DCAF16: variants seen among roughly 807,000 people sequenced by gnomAD.
DCAF16 encodes the protein DDB1- and CUL4-associated factor 16.
Under a neutral mutation model 17.3 loss-of-function variants are expected in DCAF16, and 10 were observed. That is an observed-to-expected ratio of 0.58 (90% CI 0.36 to 0.98). The LOEUF (loss-of-function observed/expected upper bound fraction) is 0.98, where lower values mean the gene tolerates loss of function less well. Ranked by LOEUF, DCAF16 falls within the 50% of genes least tolerant of loss-of-function variation. The pLI, the probability that DCAF16 is intolerant of heterozygous loss-of-function variation, is 0.01. For missense variants in DCAF16, 249 were observed against 247.6 expected (o/e 1.01, Z -0.04); for synonymous variants, 111 against 92.8 (o/e 1.20, Z -1.12).
At chr4:17,795,879 G>T (rs565572748), downstream of DCAF16, among the ~76,000 whole-genome samples, 2 of 152,276 alleles carry the variant, frequency 1.3e-5, no homozygotes, top group South Asian at 2.1e-4. Context: ...AATAATCGAG[G>T]GTCAAGCTGT....
In DCAF16 at chr4:17,803,438, G is replaced by T; in HGVS notation, c.*53C>A. 1 of 1,529,344 alleles carries T rather than the reference G, an allele frequency of 6.5e-7. No homozygotes were observed. Among genetic ancestry groups the T allele is most frequent in the Non-Finnish European group, 9.0e-7 (1 of 1,114,984 alleles). The allele number at this position is 1,529,344 out of a possible 1,614,324, so 94.7% of individuals were successfully genotyped here. A position where few individuals can be genotyped will look rare whatever the true frequency, so the allele number is the denominator to read the frequency against. On this transcript the variant is annotated 3_prime_UTR_variant, in exon 3 of 3. Transcript: ENST00000382247. ...AGTGGGCTGTGTAATGACTAACTTT[G>T]TACCACTTTCTCAATTAGCAACATC...
At chr4:17,809,422 T>C (rs1210633750) in intron 1 of DCAF16, 1 of 152,162 alleles carries the variant, frequency 6.6e-6, no homozygotes, top group African/African-American at 2.4e-5. Flanking sequence ...ACATGCAAAA[T>C]AGTACAATAT....
downstream of DCAF16, among the ~76,000 whole-genome samples, chr4:17,796,524 C>A (rs1719434918): frequency 6.6e-6 from 1 of 152,124 alleles, no homozygotes; most frequent in African/African-American, 2.4e-5. Context: ...TCCTGGCCAA[C>A]ATGGTGAAAC....
chr4:17,797,148 A>T (rs1434888335), downstream of DCAF16, among the ~76,000 whole-genome samples: 1 of 152,120 alleles, frequency 6.6e-6, no homozygotes, highest in Non-Finnish European at 1.5e-5. Context: ...AATTACTTAG[A>T]CATAAGAAAA....
rs1457658455 is a variant in DCAF16, at chr4:17,804,300, A to T, written c.-159T>A. The T allele has an allele frequency of 1.5e-6, 1 of 647,764 alleles. No homozygotes were observed. Among genetic ancestry groups the T allele is most frequent in the Non-Finnish European group, 2.7e-6 (1 of 366,992 alleles). The allele number at this position is 647,764 out of a possible 1,614,324, so 40.1% of individuals were successfully genotyped here. On this transcript the variant is annotated 5_prime_UTR_variant, in exon 3 of 3. Coordinates refer to ENST00000382247, the MANE Select transcript of DCAF16 (RefSeq NM_017741.4). ...CACATAAAGTATGCTTGTGGCCCAT[A>T]CCACTGTGCCGTTCTTCAAGATTAT...
downstream of DCAF16, among the ~76,000 whole-genome samples, chr4:17,798,914 G>T (rs1479976890): frequency 6.6e-6 from 1 of 152,192 alleles, no homozygotes; most frequent in Non-Finnish European, 1.5e-5. Flanking sequence ...AGTTGACATA[G>T]AAGTACTGGT....
chr4:17,804,010 G>A lies in DCAF16; in HGVS notation c.132C>T (p.Pro44=), dbSNP rs773687815. The change falls in exon 3 of 3, where the codon CCC becomes CCT. Residue 44 remains proline (P), a synonymous_variant. Transcript: ENST00000382247. The part of the protein sequence containing the change: ...DSSEEEDSMV[P]NLSPLESLAW... ...CAAGACTCTCAAGAGGCGATAAGTTGGGCACCATAGAGTCCTCTTCTTCAG... is the reference window on the plus strand; with the variant it reads ...CAAGACTCTCAAGAGGCGATAAGTTAGGCACCATAGAGTCCTCTTCTTCAG... 1.2e-6 allele frequency: 2 copies of A among 1,614,078 alleles called. No individual in the cohort carries two copies. Among genetic ancestry groups the A allele is most frequent in the South Asian group, 2.2e-5 (2 of 91,072 alleles).
chr4:17,809,484 G>T (rs1414418514), intron 1 of DCAF16: 6 of 152,164 alleles, frequency 3.9e-5, no homozygotes, highest in Non-Finnish European at 1.5e-5. Context: ...ATGTCATTAA[G>T]ATATAGAAAG....
chr4:17,798,013 T>A (rs1261084004), downstream of DCAF16, among the ~76,000 whole-genome samples: 2 of 152,216 alleles, frequency 1.3e-5, no homozygotes, highest in Admixed American at 1.3e-4. Context: ...CTGGTTTCTG[T>A]TGCTAATTTG....
intron 1 of DCAF16, among the ~76,000 whole-genome samples, chr4:17,806,481 G>A (rs1042503584): frequency 1.3e-5 from 2 of 151,808 alleles, no homozygotes; most frequent in African/African-American, 4.8e-5. Context: ...TTTCACAGAA[G>A]GAAAAACAAA....
downstream of DCAF16, among the ~76,000 whole-genome samples, chr4:17,797,361 G>A (rs1330144288): frequency 6.6e-6 from 1 of 152,012 alleles, no homozygotes; most frequent in African/African-American, 2.4e-5. Context: ...AATGTATTCG[G>A]GTGTCCTGTA....
chr4:17,801,422 G>C lies in DCAF16; in HGVS notation c.*2069C>G, dbSNP rs1479784584. On this transcript the variant is annotated 3_prime_UTR_variant, in exon 3 of 3. Coordinates refer to ENST00000382247, the MANE Select transcript of DCAF16 (RefSeq NM_017741.4). ...TGGGATTACAGGCATGAGCCACCAT[G>C]CCTGGCCTGCTTCAATTTTTTGATG... 1 of 152,104 alleles carries C rather than the reference G, an allele frequency of 6.6e-6. No individual in the cohort carries two copies. Among genetic ancestry groups the C allele is most frequent in the African/African-American group, 2.4e-5 (1 of 41,406 alleles). 9.4% of individuals were successfully genotyped at this position (152,104 alleles called of 1,614,324 possible). A position where few individuals can be genotyped will look rare whatever the true frequency, so the allele number is the denominator to read the frequency against.
chr4:17,805,193 G>T lies in DCAF16; in HGVS notation c.-717C>A. On this transcript the variant is annotated 5_prime_UTR_variant, in exon 2 of 3. In the 5' UTR this introduces an upstream ATG that the reference lacks. Transcript: ENST00000382247. ...TGTTAGGACTCTTGCTGGGACCTCA[G>T]AAGTTGTGATCCTATCACCAATTCT... 6.6e-6 allele frequency: 1 copy of T among 150,538 alleles called. No individual in the cohort carries two copies. Among genetic ancestry groups the T allele is most frequent in the East Asian group, 2.0e-4 (1 of 5,110 alleles). 9.3% of individuals were successfully genotyped at this position (150,538 alleles called of 1,614,324 possible). A position where few individuals can be genotyped will look rare whatever the true frequency, so the allele number is the denominator to read the frequency against.
downstream of DCAF16, among the ~76,000 whole-genome samples, chr4:17,800,095 G>T (rs9917985): frequency 5.1e-3 from 736 of 143,702 alleles, 9 homozygotes; most frequent in African/African-American, 0.018. Flanking sequence ...AGTGAGCCGA[G>T]ATTGCGCCAT....
chr4:17,810,024 A>G (rs1415996608), intron 1 of DCAF16, among the ~76,000 whole-genome samples: 1 of 151,718 alleles, frequency 6.6e-6, no homozygotes, highest in African/African-American at 2.4e-5. Flanking sequence ...TTTCAGAGCG[A>G]CTCCTGTGTC....
At chr4:17,793,562 AAAAG>A in the DCAF16 span, among the ~76,000 whole-genome samples, 13 of 152,186 alleles carry the variant, frequency 8.5e-5, no homozygotes, top group African/African-American at 2.9e-4. Flanking sequence ...AACAATAAAA[AAAAG>A]AAGAAGTACA....
rs934208537 is a variant in DCAF16 at position 17,800,818 on chromosome 4, T to C, written c.*2673A>G. 9.8e-5 allele frequency: 15 copies of C among 152,548 alleles called. No individual in the cohort carries two copies. The highest frequency in any genetic ancestry group is 1.6e-4 in the Non-Finnish European group (11 of 68,016). 9.4% of individuals were successfully genotyped at this position (152,548 alleles called of 1,614,324 possible). A position where few individuals can be genotyped will look rare whatever the true frequency, so the allele number is the denominator to read the frequency against. ...ACATGAACATAAACATATTTTAATA[T>C]TCAGACCTCTTCCCTACCTCCTCCC... On this transcript the variant is annotated 3_prime_UTR_variant, in exon 3 of 3. Coordinates refer to ENST00000382247, the MANE Select transcript of DCAF16 (RefSeq NM_017741.4).
At chr4:17,795,532 T>A in the DCAF16 span, among the ~76,000 whole-genome samples, 1 of 152,212 alleles carries the variant, frequency 6.6e-6, no homozygotes, top group Non-Finnish European at 1.5e-5. Context: ...TAAGTTTCTT[T>A]TTTGTTCTTG....
chr4:17,803,310 C>T lies in DCAF16; in HGVS notation c.*181G>A, dbSNP rs972636122. ...AAAGTGCTGGGATTACAGGTGTGAG[C>T]CACCATGCCTGACCTTGATATTATC... is the stretch of plus-strand genomic sequence containing the variant. On this transcript the variant is annotated 3_prime_UTR_variant, in exon 3 of 3. Coordinates refer to ENST00000382247, the MANE Select transcript of DCAF16 (RefSeq NM_017741.4). 26 of 623,104 alleles carry T rather than the reference C, an allele frequency of 4.2e-5. No individual in the cohort carries two copies. Among genetic ancestry groups the T allele is most frequent in the Non-Finnish European group, 6.7e-5 (24 of 360,554 alleles). 38.6% of individuals were successfully genotyped at this position (623,104 alleles called of 1,614,324 possible).
Sources: allele counts gnomAD v4.1 joint callset (sites outside exome capture counted in the v4.1 genomes callset), GRCh38; gene constraint gnomAD v4.1.1; transcripts MANE v1.5; gene names NCBI Gene and HGNC (gene_info 2026-07-23, HGNC 2026-07-21).